Variants in MAP2K6 observed in about 807,000 individuals in gnomAD.
The protein encoded by MAP2K6 is mitogen-activated protein kinase kinase 6, also known as dual specificity mitogen-activated protein kinase kinase 6.
In MAP2K6, 16 loss-of-function variants were observed where a neutral mutation model predicts 53.7. The ratio of observed to expected loss-of-function variants is 0.30; its 90% confidence interval spans 0.20 to 0.45. The LOEUF (loss-of-function observed/expected upper bound fraction) is 0.45, where lower values mean the gene tolerates loss of function less well. Among genes scored for constraint, MAP2K6 ranks in the 20% least tolerant of loss-of-function variants. The probability of loss-of-function intolerance (pLI) is 1.00; values close to 1 mark genes in which losing one functional copy is unlikely to be tolerated. For synonymous variants in MAP2K6, 132 were observed against 143.1 expected, an observed-to-expected ratio of 0.92 and a Z score of 0.55; for missense variants, 204 against 411.9, an observed-to-expected ratio of 0.50 and a Z score of 4.37.
intron 10 of MAP2K6, among the ~76,000 whole-genome samples, chr17:69,528,793 A>C (rs920579372): frequency 5.7e-5 from 8 of 139,444 alleles, no homozygotes; most frequent in Middle Eastern, 3.6e-3. Flanking sequence ...TAGAAGGCAG[A>C]GGTTGCAGTG....
chr17:69,449,714 C>T (rs372006463), intron 1 of MAP2K6, among the ~76,000 whole-genome samples: 39 of 141,104 alleles, frequency 2.8e-4, no homozygotes, highest in Admixed American at 3.6e-4. Context: ...CTGGGGTTCA[C>T]GCCATTCTCC....
intron 2 of MAP2K6, 120 bp from the exon 3 acceptor site, chr17:69,516,735 T>A (rs1910163884): frequency 1.4e-6 from 1 of 707,262 alleles, no homozygotes; most frequent in Non-Finnish European, 2.5e-6. Context: ...GCTGCTTTAG[T>A]TTACTCATGA....
Position 69,488,041 on chromosome 17 carries a change from A to G in MAP2K6, c.17-17739A>G, listed in dbSNP as rs531915971. ...CAGACAACCTACAGAATGGGAGGAAATATTCTCAAACAATGCATCCAACAA... is the reference window on the plus strand; with the variant it reads ...CAGACAACCTACAGAATGGGAGGAAGTATTCTCAAACAATGCATCCAACAA... On this transcript the variant is annotated intron_variant, in intron 1 of 11. Coordinates refer to ENST00000590474, the MANE Select transcript of MAP2K6 (RefSeq NM_002758.4). 3.3e-5 allele frequency among the ~76,000 whole-genome samples: 5 copies of G among 152,346 alleles called. No homozygotes were observed. The East Asian group carries it at 7.7e-4, about 23-fold the overall frequency.
chr17:69,526,775 C>A (rs1224810387), intron 10 of MAP2K6, 66 bp downstream of exon 10: 4 of 1,558,066 alleles, frequency 2.6e-6, no homozygotes, highest in Non-Finnish European at 3.5e-6. Context: ...GAATTTCTTC[C>A]ATCGGGGTTG....
At chr17:69,511,151 T>G (rs1302738872) in intron 2 of MAP2K6, among the ~76,000 whole-genome samples, 1 of 152,142 alleles carries the variant, frequency 6.6e-6, no homozygotes, top group Non-Finnish European at 1.5e-5. Context: ...ATAAAAGCAG[T>G]TTATATTTTC....
Position 69,414,966 on chromosome 17 carries a change from C to G in MAP2K6, c.-19C>G. ...CAAAGTCTTTTGTGCTCCCCTCCCC[C>G]ATCAAAGGAAAGGGGAAAATGTCTC... On this transcript the variant is annotated 5_prime_UTR_variant, in exon 1 of 12. Coordinates refer to ENST00000590474, the MANE Select transcript of MAP2K6 (RefSeq NM_002758.4). The G allele has an allele frequency of 6.5e-7, 1 of 1,548,154 alleles. No homozygotes were observed. The highest frequency in any genetic ancestry group is 8.9e-7 in the Non-Finnish European group (1 of 1,120,172).
Position 69,502,205 on chromosome 17 carries a change from A to G in MAP2K6, c.17-3575A>G, listed in dbSNP as rs982360150. On this transcript the variant is annotated intron_variant, in intron 1 of 11. Transcript: ENST00000590474. Reference sequence around the variant, plus strand: ...CCTGAAGCTGCAATTTCCTCGGAACAATGAGCTTGCAGAGGTTTGCTGCAA... The same window carrying G: ...CCTGAAGCTGCAATTTCCTCGGAACGATGAGCTTGCAGAGGTTTGCTGCAA... 39 of 985,470 alleles carry G rather than the reference A, an allele frequency of 4.0e-5. No homozygotes were observed. The African/African-American group carries it at 5.8e-4, about 15-fold the overall frequency. The allele number at this position is 985,470 out of a possible 1,614,324, so 61.0% of individuals were successfully genotyped here.
intron 1 of MAP2K6, among the ~76,000 whole-genome samples, chr17:69,429,433 A>G (rs990783056): frequency 6.6e-6 from 1 of 152,032 alleles, no homozygotes; most frequent in South Asian, 2.1e-4. Context: ...ACAGGGTAAG[A>G]CCTTGCCTCT....
intron 1 of MAP2K6, chr17:69,501,638 G>A (rs987110008): frequency 6.6e-6 from 1 of 152,084 alleles, no homozygotes; most frequent in Non-Finnish European, 1.5e-5. Context: ...ACAGTCATGC[G>A]GGTAACAGGG....
intron 10 of MAP2K6, among the ~76,000 whole-genome samples, chr17:69,530,553 A>T (rs1336671387): frequency 6.6e-6 from 1 of 152,228 alleles, no homozygotes; most frequent in Non-Finnish European, 1.5e-5. Flanking sequence ...TTAATTCTGA[A>T]TTTTATGAGC....
At chr17:69,523,694 G>T in intron 8 of MAP2K6, 53 bp downstream of exon 8, 1 of 1,598,012 alleles carries the variant, frequency 6.3e-7, no homozygotes, top group East Asian at 2.2e-5. Flanking sequence ...GACAAATCAT[G>T]CTGGGAAACA....
intron 10 of MAP2K6, among the ~76,000 whole-genome samples, chr17:69,529,196 ACT>A (rs948591516): frequency 1.3e-5 from 2 of 151,998 alleles, no homozygotes; most frequent in Non-Finnish European, 2.9e-5. Flanking sequence ...ATCCTCATAG[ACT>A]CTGATTTAAC....
chr17:69,440,426 A>C (rs1489628259), intron 1 of MAP2K6, among the ~76,000 whole-genome samples: 1 of 151,888 alleles, frequency 6.6e-6, no homozygotes, highest in Non-Finnish European at 1.5e-5. Flanking sequence ...AATATAACTC[A>C]TCTCCTCTTG....
intron 7 of MAP2K6, chr17:69,521,389 G>A (rs1910459061): frequency 3.1e-6 from 1 of 317,578 alleles, no homozygotes; most frequent in Non-Finnish European, 5.7e-6. Flanking sequence ...TAGAGAATAT[G>A]ATAAAAATTG....
rs763017266 is a variant in MAP2K6, at chr17:69,519,321, A to G, written c.255A>G (p.Arg85=). 1 of 1,613,798 alleles carries G rather than the reference A, an allele frequency of 6.2e-7. No homozygotes were observed. The highest frequency in any genetic ancestry group is 8.5e-7 in the Non-Finnish European group (1 of 1,179,872). The change falls in exon 5 of 12, where the codon CGA becomes CGG. Residue 85 remains arginine (R), a synonymous_variant. Coordinates refer to ENST00000590474, the MANE Select transcript of MAP2K6 (RefSeq NM_002758.4). ...SGQIMAVKRI[R]ATVNSQEQKR... is the part of the protein sequence containing the mutation. ...CATGCATTTCCATTCAGCGGATCCG[A>G]GCCACAGTAAATAGCCAGGAACAGA... is the stretch of plus-strand genomic sequence containing the variant.
intron 4 of MAP2K6, among the ~76,000 whole-genome samples, chr17:69,518,502 G>A (rs925607643): frequency 2.0e-5 from 3 of 152,164 alleles, no homozygotes; most frequent in East Asian, 3.8e-4. Context: ...CATAGTTTTT[G>A]AGCTATGAAA....
intron 1 of MAP2K6, among the ~76,000 whole-genome samples, chr17:69,424,027 A>G (rs1357568864): frequency 6.6e-6 from 1 of 152,100 alleles, no homozygotes; most frequent in African/African-American, 2.4e-5. Context: ...AGGTTCCATC[A>G]TTTCTTTTGT....
chr17:69,485,598 C>T (rs1908505015), intron 1 of MAP2K6: 1 of 232,050 alleles, frequency 4.3e-6, no homozygotes, highest in African/African-American at 2.3e-5. Context: ...GGCAGAACAC[C>T]CTGTTATACA....
rs112451626 is a variant in MAP2K6 at position 69,541,426 on chromosome 17, C to A, written c.928-250C>A. Among the ~76,000 whole-genome samples, 506 of 150,596 alleles carry A rather than the reference C, an allele frequency of 3.4e-3. 2 individuals carry two copies. The highest frequency in any genetic ancestry group is 0.012 in the African/African-American group (476 of 39,986). ...AGATGAGACTTACGTAGCATAATTA[C>A]ACTTTTTTTTAAAATTTAATATAGT... is the stretch of plus-strand genomic sequence containing the variant. On this transcript the variant is annotated intron_variant, in intron 11 of 11. Transcript: ENST00000590474.
Sources: gnomAD v4.1 joint callset for allele counts (sites outside exome capture counted in the v4.1 genomes callset) on GRCh38, gnomAD v4.1.1 for gene constraint, MANE v1.5 for transcripts, NCBI Gene and HGNC (gene_info 2026-07-23, HGNC 2026-07-21) for gene names.